Variants in SYNPR observed in about 807,000 individuals in gnomAD.
The protein encoded by SYNPR is synaptoporin.
SYNPR carries 23 observed loss-of-function variants against 32.9 expected under a neutral mutation model. The ratio of observed to expected loss-of-function variants is 0.70; its 90% CI spans 0.50 to 0.99. The LOEUF is 0.99. Ranked by LOEUF, SYNPR falls within the 50% of genes least tolerant of loss-of-function variation. SYNPR has a pLI of 0.00. For synonymous variants in SYNPR, 146 were observed against 135.9 expected (o/e 1.07, Z -0.52); for missense variants, 318 against 349.3 (o/e 0.91, Z 0.71).
At chr3:63,337,515 T>C (rs2087310625) in intron 2 of SYNPR, among the ~76,000 whole-genome samples, 1 of 152,164 alleles carries the variant, frequency 6.6e-6, no homozygotes, top group Admixed American at 6.5e-5. Flanking sequence ...TCTAGATATT[T>C]ACCCAAATGC....
At chr3:63,236,234 A>G (rs940831764) in intron 1 of SYNPR, among the ~76,000 whole-genome samples, 3 of 152,058 alleles carry the variant, frequency 2.0e-5, no homozygotes, top group African/African-American at 7.2e-5. Context: ...ATAGATCTAT[A>G]CATCAGTCTC....
intron 2 of SYNPR, among the ~76,000 whole-genome samples, chr3:63,264,826 G>C (rs1476990731): frequency 1.3e-5 from 2 of 152,042 alleles, no homozygotes; most frequent in Admixed American, 1.3e-4. Context: ...ACGGAGTGAG[G>C]GCAAGCCGGG....
chr3:63,225,346 A>G (rs1336211397), upstream of SYNPR, among the ~76,000 whole-genome samples: 1 of 152,186 alleles, frequency 6.6e-6, no homozygotes, highest in East Asian at 1.9e-4. Flanking sequence ...ATGTGATATG[A>G]CCAATGGGCA....
intron 4 of SYNPR, among the ~76,000 whole-genome samples, chr3:63,595,965 TTATATATAGTTTTA>T: frequency 9.5e-6 from 1 of 105,036 alleles, no homozygotes; most frequent in South Asian, 3.0e-4. Context: ...ATATATAGTT[TTATATATAGTTTTA>T]TATATATATA....
intron 2 of SYNPR, among the ~76,000 whole-genome samples, chr3:63,319,957 A>G (rs1036288244): frequency 1.3e-5 from 2 of 151,848 alleles, no homozygotes; most frequent in Non-Finnish European, 2.9e-5. Context: ...CTATTTTCTT[A>G]TTCATTTATT....
intron 1 of SYNPR, among the ~76,000 whole-genome samples, chr3:63,247,809 C>T (rs544155127): frequency 6.6e-5 from 10 of 152,244 alleles, no homozygotes; most frequent in African/African-American, 2.4e-4. Context: ...AGGGTCAGAA[C>T]ACTGGGAAGT....
At chr3:63,365,261 T>C (rs2087717126) in intron 2 of SYNPR, among the ~76,000 whole-genome samples, 1 of 152,178 alleles carries the variant, frequency 6.6e-6, no homozygotes, top group Admixed American at 6.5e-5. Context: ...TTGAAGGTTG[T>C]GTTCAACAAC....
intron 2 of SYNPR, among the ~76,000 whole-genome samples, chr3:63,296,151 G>T (rs1282119304): frequency 6.6e-6 from 1 of 152,214 alleles, no homozygotes; most frequent in Non-Finnish European, 1.5e-5. Flanking sequence ...GCCTATAGGA[G>T]TAGCTGCTTC....
At chr3:63,586,375 G>GA (rs1384059285) in intron 4 of SYNPR, among the ~76,000 whole-genome samples, 8 of 151,342 alleles carry the variant, frequency 5.3e-5, no homozygotes, top group Admixed American at 2.0e-4. Flanking sequence ...GTCAAATGCA[G>GA]AAAAAAAATG....
intron 2 of SYNPR, among the ~76,000 whole-genome samples, chr3:63,395,738 T>C (rs959500695): frequency 6.6e-6 from 1 of 152,184 alleles, no homozygotes; most frequent in Admixed American, 6.5e-5. Flanking sequence ...ACATATTATA[T>C]ATATGTTAGC....
At chr3:63,582,724 C>A (rs992619942) in intron 4 of SYNPR, among the ~76,000 whole-genome samples, 2 of 152,022 alleles carry the variant, frequency 1.3e-5, no homozygotes, top group African/African-American at 4.8e-5. Context: ...CTCAGCAAAT[C>A]CTTAATGGTT....
chr3:63,397,103 C>CAAA (rs10601486), intron 2 of SYNPR, among the ~76,000 whole-genome samples: 4 of 99,208 alleles, frequency 4.0e-5, no homozygotes, highest in Admixed American at 1.1e-4. Flanking sequence ...GACTCCGTCT[C>CAAA]AAAAAAAAAA....
chr3:63,418,042 T>C (rs1311767183), intron 2 of SYNPR, among the ~76,000 whole-genome samples: 1 of 152,212 alleles, frequency 6.6e-6, no homozygotes, highest in Non-Finnish European at 1.5e-5. Flanking sequence ...TTTCTTTCTA[T>C]CATATTGTCA....
chr3:63,428,274 T>A (rs1699926258), intron 2 of SYNPR, among the ~76,000 whole-genome samples: 1 of 152,232 alleles, frequency 6.6e-6, no homozygotes, highest in Admixed American at 6.5e-5. Flanking sequence ...ACAGAATTCA[T>A]GATCAGAAAA....
chr3:63,408,380 G>GAAAGAAAGAAAGAAAGAAAGAAAGAAAGA (rs1560221346), intron 2 of SYNPR, among the ~76,000 whole-genome samples: 1 of 148,392 alleles, frequency 6.7e-6, no homozygotes, highest in African/African-American at 2.5e-5. Flanking sequence ...AAGAAAGAAA[G>GAAAGAAAGAAAGAAAGAAAGAAAGAAAGA]AAAAGGAAGG....
At position 63,311,829 on chromosome 3, in the gene SYNPR, G is replaced by A. The variant is rs925697651; in HGVS notation, c.84+33087G>A. ...ATCCATATTAAACATAGTCTTCTAT[G>A]TATTATTTTAAATTTAATACCCTAT... On this transcript the variant is annotated intron_variant, in intron 2 of 5. Transcript: ENST00000478300. Among the ~76,000 whole-genome samples the A allele has an allele frequency of 3.3e-5, 5 of 151,918 alleles. No homozygotes were observed. The East Asian group carries it at 7.8e-4, about 24-fold the overall frequency.
chr3:63,577,544 G>C (rs1298336380), intron 4 of SYNPR, among the ~76,000 whole-genome samples: 1 of 152,076 alleles, frequency 6.6e-6, no homozygotes. Context: ...AAATACAGTG[G>C]GGAGCTTTTT....
chr3:63,261,876 G>A (rs6763206), intron 2 of SYNPR, among the ~76,000 whole-genome samples: 11,716 of 149,934 alleles, frequency 0.078, 1,319 homozygotes, highest in African/African-American at 0.25. Context: ...GGGGACTGTC[G>A]TGGGGTGGGG....
intron 2 of SYNPR, among the ~76,000 whole-genome samples, chr3:63,397,808 A>G (rs1220225950): frequency 1.3e-5 from 2 of 152,226 alleles, no homozygotes; most frequent in Non-Finnish European, 2.9e-5. Flanking sequence ...TCCTCAAAAA[A>G]TACGATAATG....
Sources: gnomAD v4.1 joint callset for allele counts (sites outside exome capture counted in the v4.1 genomes callset) on GRCh38, gnomAD v4.1.1 for gene constraint, MANE v1.5 for transcripts, NCBI Gene and HGNC (gene_info 2026-07-23, HGNC 2026-07-21) for gene names.